The following ASNS variants were observed in gnomAD, a reference collection of about 807,000 sequenced individuals.
ASNS encodes asparagine synthetase [glutamine-hydrolyzing].
ASNS carries 37 observed loss-of-function variants against 62.6 expected under a neutral mutation model. The ratio of observed to expected loss-of-function variants is 0.59; its 90% confidence interval spans 0.45 to 0.78. The LOEUF (loss-of-function observed/expected upper bound fraction) is 0.78, where lower values mean the gene tolerates loss of function less well. Ranked by LOEUF, ASNS falls within the 30% of genes least tolerant of loss-of-function variation. The pLI, the probability that ASNS is intolerant of heterozygous loss-of-function variation, is 0.00. For synonymous variants in ASNS, 207 were observed against 237.9 expected, an observed-to-expected ratio of 0.87 and a Z score of 1.19; for missense variants, 520 against 682.4, an observed-to-expected ratio of 0.76 and a Z score of 2.65.
At chr7:97,896,672 G>A in the ASNS span, among the ~76,000 whole-genome samples, 2 of 124,126 alleles carry the variant, frequency 1.6e-5, no homozygotes, top group African/African-American at 2.9e-5. Flanking sequence ...ATATGTATAT[G>A]TGTGTGTGTA....
chr7:97,904,284 T>TCTCACACA, the ASNS span, among the ~76,000 whole-genome samples: 101 of 135,038 alleles, frequency 7.5e-4, no homozygotes, highest in African/African-American at 2.8e-3. Context: ...ACTACCAGTT[T>TCTCACACA]CACACACACA....
At chr7:97,926,584 G>A in the ASNS span, among the ~76,000 whole-genome samples, 6 of 150,946 alleles carry the variant, frequency 4.0e-5, no homozygotes, top group East Asian at 2.0e-4. Context: ...TGGGTCTGGC[G>A]GGCATTGTGG....
the ASNS span, among the ~76,000 whole-genome samples, chr7:97,900,698 T>G: frequency 6.6e-6 from 1 of 152,192 alleles, no homozygotes; most frequent in Non-Finnish European, 1.5e-5. Context: ...CTAAATGACT[T>G]CATCAGTTGC....
At chr7:97,898,189 C>T in the ASNS span, among the ~76,000 whole-genome samples, 6 of 151,852 alleles carry the variant, frequency 4.0e-5, no homozygotes, top group African/African-American at 1.5e-4. Context: ...CTGTCTCCCG[C>T]GTTCAAGTGA....
At chr7:97,898,239 C>T in the ASNS span, 1 of 327,870 alleles carries the variant, frequency 3.0e-6, no homozygotes, top group East Asian at 1.2e-4. Flanking sequence ...GGATTACAGG[C>T]ATGCACCACC....
At chr7:97,852,624 T>A (rs1791235019) in intron 12 of ASNS, among the ~76,000 whole-genome samples, 156 bp from the exon 13 acceptor site, 3 of 152,208 alleles carry the variant, frequency 2.0e-5, no homozygotes, top group Admixed American at 2.0e-4. Context: ...AAAGTATTCA[T>A]AATATGGATA....
chr7:97,852,401 C>T lies in ASNS; in HGVS notation c.1544G>A (p.Gly515Glu), dbSNP rs1441740175. Residue 515 changes from glycine (G) to glutamate (E), a missense_variant, in exon 13 of 13, where the codon GGA (glycine) becomes GAA (glutamate). Coordinates refer to ENST00000394308, the MANE Select transcript of ASNS (RefSeq NM_001673.5). ...FPFNTPKTKE[G>E]YYYRQVFERH... is the part of the protein sequence containing the mutation. ...TTCAAAGACTTGACGGTAGTAATAT[C>T]CTTCTTTGGTTTTAGGAGTATTGAA... is the stretch of plus-strand genomic sequence containing the variant. 6.2e-7 allele frequency: 1 copy of T among 1,614,114 alleles called. No individual in the cohort carries two copies. The highest frequency in any genetic ancestry group is 8.5e-7 in the Non-Finnish European group (1 of 1,180,026).
the ASNS span, among the ~76,000 whole-genome samples, chr7:97,895,931 C>A: frequency 6.6e-6 from 1 of 151,182 alleles, no homozygotes; most frequent in Non-Finnish European, 1.5e-5. Context: ...GGAAGAAATT[C>A]TATTTACAAT....
chr7:97,874,373 T>C (rs1434561901), upstream of ASNS, among the ~76,000 whole-genome samples: 2 of 152,240 alleles, frequency 1.3e-5, no homozygotes, highest in Non-Finnish European at 2.9e-5. Flanking sequence ...ACACATGCTG[T>C]ATAATTTGTG....
chr7:97,859,043 T>C, intron 5 of ASNS, 88 bp from the exon 6 acceptor site: 3 of 1,403,084 alleles, frequency 2.1e-6, no homozygotes, highest in Non-Finnish European at 9.9e-7. Flanking sequence ...TCAACATCTA[T>C]CATGATGGTA....
the ASNS span, among the ~76,000 whole-genome samples, chr7:97,893,238 A>G: frequency 1.3e-5 from 2 of 152,274 alleles, no homozygotes; most frequent in African/African-American, 4.8e-5. Flanking sequence ...ACCTGCCTCC[A>G]TGATTCAACT....
the ASNS span, among the ~76,000 whole-genome samples, chr7:97,919,973 C>T: frequency 1.3e-5 from 2 of 151,984 alleles, no homozygotes; most frequent in Admixed American, 1.3e-4. Flanking sequence ...GGCTACTGCC[C>T]CACAGCTCCC....
intron 9 of ASNS, chr7:97,855,067 T>C (rs1791368920): frequency 5.3e-6 from 2 of 375,008 alleles, no homozygotes; most frequent in Non-Finnish European, 4.8e-6. Flanking sequence ...AGCCTCAATC[T>C]CCTGGGTTCA....
the ASNS span, among the ~76,000 whole-genome samples, chr7:97,914,353 T>C: frequency 1.3e-5 from 2 of 152,192 alleles, no homozygotes; most frequent in Non-Finnish European, 2.9e-5. Context: ...CTCATGATTA[T>C]GGGTAGTGCT....
intron 7 of ASNS, 109 bp downstream of exon 7, chr7:97,858,169 G>A: frequency 7.1e-7 from 1 of 1,412,900 alleles, no homozygotes; most frequent in Non-Finnish European, 9.6e-7. Flanking sequence ...TAAAACAATT[G>A]ACCCAGTCAA....
chr7:97,915,072 C>A, the ASNS span, among the ~76,000 whole-genome samples: 6 of 152,350 alleles, frequency 3.9e-5, no homozygotes, highest in South Asian at 1.2e-3. Flanking sequence ...CCCACCCTTT[C>A]CTACAGACAA....
chr7:97,918,441 G>A, the ASNS span, among the ~76,000 whole-genome samples: 6 of 152,158 alleles, frequency 3.9e-5, no homozygotes, highest in Admixed American at 6.5e-5. Flanking sequence ...AAGACGTATC[G>A]GTGCAGGGCT....
At chr7:97,905,180 C>T in the ASNS span, among the ~76,000 whole-genome samples, 1 of 152,318 alleles carries the variant, frequency 6.6e-6, no homozygotes, top group South Asian at 2.1e-4. Context: ...AACTGTTCAC[C>T]TCTCCTGCCT....
intron 4 of ASNS, among the ~76,000 whole-genome samples, chr7:97,860,597 G>A (rs759277966): frequency 6.6e-6 from 1 of 152,176 alleles, no homozygotes; most frequent in Non-Finnish European, 1.5e-5. Context: ...GGACCCCTTT[G>A]ATTGATCTCA....
Sources: allele counts gnomAD v4.1 joint callset (sites outside exome capture counted in the v4.1 genomes callset), GRCh38; gene constraint gnomAD v4.1.1; transcripts MANE v1.5; gene names NCBI Gene and HGNC (gene_info 2026-07-23, HGNC 2026-07-21).